The following GPC5 variants were observed in gnomAD, a reference collection of about 807,000 sequenced individuals.
The protein encoded by GPC5 is glypican 5.
In GPC5, 47 loss-of-function variants were observed where a neutral mutation model predicts 53.9. The ratio of observed to expected loss-of-function variants is 0.87; its 90% confidence interval spans 0.69 to 1.11. The LOEUF is 1.11. Ranked by LOEUF, GPC5 falls within the 50% of genes most tolerant of loss-of-function variation. GPC5 has a pLI of 0.00. For missense variants in GPC5, 748 were observed against 713.1 expected (o/e 1.05, Z -0.56); for synonymous variants, 286 against 263.3 (o/e 1.09, Z -0.84).
intron 1 of GPC5, among the ~76,000 whole-genome samples, chr13:91,439,250 T>C (rs1240766611): frequency 6.6e-6 from 1 of 152,244 alleles, no homozygotes; most frequent in East Asian, 1.9e-4. Context: ...AGCTGGTGTG[T>C]GTGCATACAC....
chr13:92,017,119 T>C (rs1380741397), intron 6 of GPC5, among the ~76,000 whole-genome samples: 1 of 152,106 alleles, frequency 6.6e-6, no homozygotes, highest in East Asian at 1.9e-4. Context: ...GGTTGTGGTG[T>C]AGGGGCTCTT....
chr13:92,490,019 C>G (rs1879702549), intron 7 of GPC5: 1 of 152,620 alleles, frequency 6.6e-6, no homozygotes, highest in Non-Finnish European at 1.5e-5. Context: ...TGTGCTTCTT[C>G]CTCTTAGAAT....
intron 6 of GPC5, among the ~76,000 whole-genome samples, chr13:92,056,315 A>G (rs912315134): frequency 1.3e-5 from 2 of 152,108 alleles, no homozygotes; most frequent in African/African-American, 4.8e-5. Flanking sequence ...TTCATTTATT[A>G]AGACCTCCGG....
chr13:92,477,283 C>A lies in GPC5; in HGVS notation c.1561+332294C>A, dbSNP rs75315606. 1.7e-3 allele frequency among the ~76,000 whole-genome samples: 266 copies of A among 152,178 alleles called. 9 individuals are homozygous for A. In the East Asian group the frequency reaches 0.047, roughly 27 times the overall value. On this transcript the variant is annotated intron_variant, in intron 7 of 7. Coordinates refer to ENST00000377067, the MANE Select transcript of GPC5 (RefSeq NM_004466.6). The stretch of plus-strand genomic sequence containing the variant: ...CACATCCCTTGTTAAAGTAATCCCA[C>A]ATAACCTTATTCCATTTCAAGCCAA...
chr13:91,948,759 G>C (rs1038754355), intron 6 of GPC5, among the ~76,000 whole-genome samples: 2 of 152,124 alleles, frequency 1.3e-5, no homozygotes, highest in Non-Finnish European at 1.5e-5. Flanking sequence ...AACAAACTGG[G>C]TTATATTGGA....
At chr13:91,899,574 T>C (rs948785722) in intron 5 of GPC5, among the ~76,000 whole-genome samples, 3 of 152,144 alleles carry the variant, frequency 2.0e-5, no homozygotes, top group Non-Finnish European at 4.4e-5. Flanking sequence ...AAAATTTATG[T>C]CCACTAGATA....
chr13:91,932,309 A>G (rs75823624), intron 6 of GPC5, among the ~76,000 whole-genome samples: 2,334 of 152,180 alleles, frequency 0.015, 56 homozygotes, highest in African/African-American at 0.053. Context: ...TTTCATTTCT[A>G]AATGATTTCT....
At chr13:92,277,680 G>A (rs1389576516) in intron 7 of GPC5, among the ~76,000 whole-genome samples, 1 of 151,800 alleles carries the variant, frequency 6.6e-6, no homozygotes, top group Non-Finnish European at 1.5e-5. Flanking sequence ...TTAAATGGTT[G>A]ACAGTTTTTA....
intron 5 of GPC5, among the ~76,000 whole-genome samples, chr13:91,900,372 T>C (rs546760697): frequency 6.6e-6 from 1 of 152,258 alleles, no homozygotes; most frequent in African/African-American, 2.4e-5. Context: ...AGCAAATCAG[T>C]ACAAAGTGGT....
chr13:92,554,134 A>G (rs1346935996), intron 7 of GPC5, among the ~76,000 whole-genome samples: 1 of 151,950 alleles, frequency 6.6e-6, no homozygotes, highest in Non-Finnish European at 1.5e-5. Context: ...AAGAGTTAAG[A>G]CACAGTATGC....
intron 7 of GPC5, among the ~76,000 whole-genome samples, chr13:92,243,148 G>A (rs191122037): frequency 6.6e-6 from 1 of 152,078 alleles, no homozygotes; most frequent in Non-Finnish European, 1.5e-5. Flanking sequence ...AATTTGACTT[G>A]TTATTACAAA....
At chr13:92,125,923 G>GTTTTTTTTTTTTTTTTTTTTTT in intron 6 of GPC5, among the ~76,000 whole-genome samples, 1 of 41,536 alleles carries the variant, frequency 2.4e-5, no homozygotes, top group Admixed American at 2.9e-4. Context: ...TTTGTTTTTT[G>GTTTTTTTTTTTTTTTTTTTTTT]GTTTTTTTTT....
chr13:92,331,073 AT>A (rs1289942811), intron 7 of GPC5, among the ~76,000 whole-genome samples: 11 of 152,234 alleles, frequency 7.2e-5, no homozygotes, highest in Non-Finnish European at 1.0e-4. Context: ...GTCTAAATAG[AT>A]TTTTTTAAAT....
intron 2 of GPC5, among the ~76,000 whole-genome samples, chr13:91,514,989 G>A (rs1885418196): frequency 6.6e-6 from 1 of 152,200 alleles, no homozygotes; most frequent in South Asian, 2.1e-4. Flanking sequence ...TACATTTTAA[G>A]TGATATTAGT....
At chr13:92,410,648 G>T (rs1267990210) in intron 7 of GPC5, among the ~76,000 whole-genome samples, 1 of 152,178 alleles carries the variant, frequency 6.6e-6, no homozygotes, top group Admixed American at 6.5e-5. Context: ...GAACTGTTGT[G>T]ATGCAAAAGG....
At chr13:91,845,373 G>A (rs1013879063) in intron 5 of GPC5, among the ~76,000 whole-genome samples, 2 of 151,798 alleles carry the variant, frequency 1.3e-5, no homozygotes, top group African/African-American at 4.8e-5. Flanking sequence ...CATATTTAAA[G>A]TGTACTGCTT....
intron 2 of GPC5, among the ~76,000 whole-genome samples, chr13:91,542,375 A>G (rs2029994754): frequency 6.6e-6 from 1 of 152,210 alleles, no homozygotes; most frequent in Non-Finnish European, 1.5e-5. Context: ...CTGTGAGGCA[A>G]ATCTCTTAGC....
chr13:92,689,303 C>G (rs1289638729), intron 7 of GPC5, among the ~76,000 whole-genome samples: 1 of 32,558 alleles, frequency 3.1e-5, no homozygotes, highest in African/African-American at 6.2e-5. Flanking sequence ...TTGAATTGAT[C>G]CCTTTACCAT....
At chr13:92,358,457 T>C (rs963843618) in intron 7 of GPC5, among the ~76,000 whole-genome samples, 5 of 151,696 alleles carry the variant, frequency 3.3e-5, no homozygotes, top group Admixed American at 3.3e-4. Context: ...CTCACAGCTC[T>C]AGTAGGCCGT....
Sources: gnomAD v4.1 joint callset for allele counts (sites outside exome capture counted in the v4.1 genomes callset) on GRCh38, gnomAD v4.1.1 for gene constraint, MANE v1.5 for transcripts, NCBI Gene and HGNC (gene_info 2026-07-23, HGNC 2026-07-21) for gene names.